The following RPSA2 variants were observed in gnomAD, a reference collection of about 807,000 sequenced individuals.
The protein encoded by RPSA2 is small ribosomal subunit protein uS2B.
At chr19:23,843,550 C>T in the RPSA2 span, among the ~76,000 whole-genome samples, 1 of 152,122 alleles carries the variant, frequency 6.6e-6, no homozygotes. Context: ...CATGATATAC[C>T]TGCTCTTCCA....
At chr19:23,827,505 C>T in the RPSA2 span, 5 of 1,596,846 alleles carry the variant, frequency 3.1e-6, no homozygotes, top group Non-Finnish European at 4.2e-6. Context: ...ATCCAGGCAG[C>T]CTTCTGGGAG....
the RPSA2 span, among the ~76,000 whole-genome samples, chr19:23,836,049 A>G: frequency 6.6e-6 from 1 of 152,120 alleles, no homozygotes; most frequent in Non-Finnish European, 1.5e-5. Context: ...ATTTGGTTAG[A>G]TAAGTAAGTT....
the RPSA2 span, among the ~76,000 whole-genome samples, chr19:23,759,814 G>A: frequency 6.6e-6 from 1 of 152,104 alleles, no homozygotes; most frequent in East Asian, 1.9e-4. Flanking sequence ...GAGCCACCGC[G>A]CCCGGCCTAT....
chr19:23,772,881 C>T, the RPSA2 span, among the ~76,000 whole-genome samples: 1 of 152,154 alleles, frequency 6.6e-6, no homozygotes, highest in African/African-American at 2.4e-5. Context: ...GATGTTTACC[C>T]CAATACCTGG....
At chr19:23,855,806 G>A in the RPSA2 span, among the ~76,000 whole-genome samples, 7 of 152,026 alleles carry the variant, frequency 4.6e-5, no homozygotes, top group Admixed American at 4.6e-4. Context: ...GGAGGGTGAG[G>A]AGCTGCAGTA....
the RPSA2 span, among the ~76,000 whole-genome samples, chr19:23,786,146 T>C: frequency 9.9e-5 from 15 of 152,284 alleles, no homozygotes; most frequent in Admixed American, 6.5e-4. Flanking sequence ...TACCTGGGCT[T>C]AGGGCCAGAG....
the RPSA2 span, among the ~76,000 whole-genome samples, chr19:23,863,799 T>G: frequency 1.3e-5 from 2 of 152,202 alleles, no homozygotes; most frequent in Non-Finnish European, 2.9e-5. Flanking sequence ...AGAATTTGAC[T>G]AGTGTTAACC....
the RPSA2 span, among the ~76,000 whole-genome samples, chr19:23,794,290 A>G: frequency 6.6e-6 from 1 of 152,184 alleles, no homozygotes; most frequent in African/African-American, 2.4e-5. Flanking sequence ...GCTTTTTACA[A>G]TGGTTGAATT....
At chr19:23,832,752 G>A in the RPSA2 span, 4 of 1,560,746 alleles carry the variant, frequency 2.6e-6, no homozygotes, top group Middle Eastern at 1.7e-4. Context: ...CTTTTAGCCA[G>A]TCATCAATCC....
At chr19:23,769,270 G>A in the RPSA2 span, among the ~76,000 whole-genome samples, 1 of 152,180 alleles carries the variant, frequency 6.6e-6, no homozygotes, top group Non-Finnish European at 1.5e-5. Context: ...AAGGTTATAT[G>A]TGACTTCACA....
the RPSA2 span, among the ~76,000 whole-genome samples, chr19:23,797,030 G>A: frequency 7.8e-6 from 1 of 128,998 alleles, no homozygotes; most frequent in Admixed American, 7.5e-5. Flanking sequence ...AGCATTAAAT[G>A]CTATAAATTT....
the RPSA2 span, among the ~76,000 whole-genome samples, chr19:23,852,308 G>A: frequency 6.6e-6 from 1 of 150,502 alleles, no homozygotes; most frequent in Non-Finnish European, 1.5e-5. Context: ...CAGCTCGGTT[G>A]GGGAGACCCT....
At chr19:23,763,080 G>A in the RPSA2 span, 1 of 154,566 alleles carries the variant, frequency 6.5e-6, no homozygotes, top group Non-Finnish European at 1.4e-5. Flanking sequence ...AGCCTCTGTT[G>A]ACCTATGATC....
chr19:23,759,731 C>T, the RPSA2 span, among the ~76,000 whole-genome samples: 2 of 151,618 alleles, frequency 1.3e-5, no homozygotes, highest in Non-Finnish European at 2.9e-5. Context: ...ACTATGTTGG[C>T]CAGGCTGGTC....
At chr19:23,852,315 C>A in the RPSA2 span, among the ~76,000 whole-genome samples, 1 of 147,054 alleles carries the variant, frequency 6.8e-6, no homozygotes, top group Non-Finnish European at 1.5e-5. Flanking sequence ...GTTGGGGAGA[C>A]CCTAACCCAG....
the RPSA2 span, among the ~76,000 whole-genome samples, chr19:23,828,970 A>ACAC: frequency 7.9e-6 from 1 of 127,176 alleles, no homozygotes; most frequent in Non-Finnish European, 1.8e-5. Context: ...CACACACACA[A>ACAC]ATTTGTCATA....
the RPSA2 span, among the ~76,000 whole-genome samples, chr19:23,853,489 C>T: frequency 6.6e-6 from 1 of 152,208 alleles, no homozygotes; most frequent in Non-Finnish European, 1.5e-5. Context: ...ACTGATCAAA[C>T]AGGTGTTTCC....
chr19:23,826,069 A>C, the RPSA2 span, among the ~76,000 whole-genome samples: 1 of 151,408 alleles, frequency 6.6e-6, no homozygotes, highest in Admixed American at 6.6e-5. Flanking sequence ...ATTTTTAAAT[A>C]TTTAGTCATA....
chr19:23,789,430 C>T, the RPSA2 span, among the ~76,000 whole-genome samples: 1 of 152,124 alleles, frequency 6.6e-6, no homozygotes, highest in African/African-American at 2.4e-5. Flanking sequence ...TTTAGACAAG[C>T]CCCAGGTGAT....
Sources: allele counts gnomAD v4.1 joint callset (sites outside exome capture counted in the v4.1 genomes callset), GRCh38; gene constraint gnomAD v4.1.1; transcripts MANE v1.5; gene names NCBI Gene and HGNC (gene_info 2026-07-23, HGNC 2026-07-21).